Variants in AHRR observed in about 807,000 individuals in gnomAD.
The protein encoded by AHRR is ahR repressor.
AHRR carries 28 observed loss-of-function variants against 44.0 expected under a neutral mutation model. The ratio of observed to expected loss-of-function variants is 0.64; its 90% CI spans 0.47 to 0.87. AHRR has a LOEUF of 0.87. Among genes scored for constraint, AHRR ranks in the 40% least tolerant of loss-of-function variants. AHRR has a pLI of 0.00. For missense variants in AHRR, 990 were observed against 953.9 expected, an observed-to-expected ratio of 1.04 and a Z score of -0.50; for synonymous variants, 434 against 407.0, an observed-to-expected ratio of 1.07 and a Z score of -0.80.
chr5:432,259 A>G, intron 8 of AHRR: 1 of 559,540 alleles, frequency 1.8e-6, no homozygotes, highest in Non-Finnish European at 3.1e-6. Context: ...GTGACGTGAC[A>G]ATATTTTCAG....
At chr5:398,870 G>A (rs1421803507) in intron 4 of AHRR, among the ~76,000 whole-genome samples, 3 of 152,140 alleles carry the variant, frequency 2.0e-5, no homozygotes, top group African/African-American at 7.2e-5. Context: ...AGCCGCCCCC[G>A]TCTGTTCTGG....
chr5:429,086 T>G (rs1736600177), intron 8 of AHRR, among the ~76,000 whole-genome samples: 1 of 152,206 alleles, frequency 6.6e-6, no homozygotes, highest in African/African-American at 2.4e-5. Context: ...GATTCGTGTC[T>G]ATAGTTTCCT....
chr5:423,886 G>T lies in AHRR; in HGVS notation c.617G>T (p.Gly206Val). Residue 206 changes from glycine (G) to valine (V), a missense_variant, in exon 7 of 11, where the codon GGC (glycine) becomes GTC (valine). Gly to Val is a moderately radical substitution (Grantham distance 109, BLOSUM62 -3). Coordinates refer to ENST00000684583, the MANE Select transcript of AHRR (RefSeq NM_001377236.1). ...AGGCTGCTCAGGGCCCAGGAGTGGG[G>T]CACAGGCACGCCCACCGAGTACTCG... is the stretch of plus-strand genomic sequence containing the variant. Reference protein sequence around the residue: ...LGRLLRAQEWGTGTPTEYSAF... With the variant: ...LGRLLRAQEWVTGTPTEYSAF... The T allele has an allele frequency of 1.2e-6, 2 of 1,605,134 alleles. No individual in the cohort carries two copies. Among genetic ancestry groups the T allele is most frequent in the Non-Finnish European group, 1.7e-6 (2 of 1,179,852 alleles).
chr5:346,991 G>A (rs73046919), intron 2 of AHRR, among the ~76,000 whole-genome samples: 3,175 of 152,254 alleles, frequency 0.021, 103 homozygotes, highest in African/African-American at 0.073. Flanking sequence ...ACCTAGATGT[G>A]GAATTGCTCA....
chr5:393,473 G>A (rs536867938), intron 4 of AHRR, among the ~76,000 whole-genome samples: 56 of 152,328 alleles, frequency 3.7e-4, no homozygotes, highest in Admixed American at 1.4e-3. Context: ...GTGTCTTCGT[G>A]CGTGGACGGT....
chr5:335,615 C>G (rs1205934196), intron 1 of AHRR, among the ~76,000 whole-genome samples: 1 of 152,226 alleles, frequency 6.6e-6, no homozygotes, highest in Non-Finnish European at 1.5e-5. Context: ...TTTTCAGGGC[C>G]CATGGCAGAA....
intron 8 of AHRR, among the ~76,000 whole-genome samples, chr5:430,947 G>A (rs983472678): frequency 3.3e-5 from 5 of 151,976 alleles, no homozygotes; most frequent in Non-Finnish European, 4.4e-5. Flanking sequence ...TGCTACATAG[G>A]TGCACAGAAA....
chr5:423,072 T>C (rs1736207971), intron 6 of AHRR, among the ~76,000 whole-genome samples: 1 of 152,150 alleles, frequency 6.6e-6, no homozygotes, highest in East Asian at 1.9e-4. Flanking sequence ...TCGAGTGTGC[T>C]TCACTCCTGG....
intron 7 of AHRR, 119 bp from the exon 8 acceptor site, chr5:427,688 A>G (rs1312815556): frequency 1.2e-6 from 2 of 1,613,930 alleles, no homozygotes; most frequent in Non-Finnish European, 1.7e-6. Flanking sequence ...CGAGCCACTC[A>G]TGGTGAGCTG....
At chr5:384,891 A>T (rs1008476369) in intron 4 of AHRR, among the ~76,000 whole-genome samples, 1 of 152,106 alleles carries the variant, frequency 6.6e-6, no homozygotes, top group Non-Finnish European at 1.5e-5. Context: ...CATGCCTGTT[A>T]TCCCAGCACT....
At chr5:409,684 C>G (rs1448099848) in intron 4 of AHRR, among the ~76,000 whole-genome samples, 4 of 151,688 alleles carry the variant, frequency 2.6e-5, no homozygotes, top group African/African-American at 9.7e-5. Context: ...TGATTTGTAG[C>G]AGTTCTTACA....
intron 4 of AHRR, among the ~76,000 whole-genome samples, chr5:391,243 A>G (rs1363494033): frequency 6.6e-6 from 1 of 152,160 alleles, no homozygotes; most frequent in Non-Finnish European, 1.5e-5. Context: ...GGCTGCACAC[A>G]CCTGGGTGAC....
At chr5:365,200 G>A (rs1023021677) in intron 3 of AHRR, among the ~76,000 whole-genome samples, 9 of 152,014 alleles carry the variant, frequency 5.9e-5, no homozygotes, top group East Asian at 3.8e-4. Flanking sequence ...CAGAATTCAC[G>A]TATTTTCAAA....
chr5:436,573 C>T lies in AHRR; in HGVS notation c.*1739C>T, dbSNP rs1442820142. 1.3e-5 allele frequency: 2 copies of T among 152,348 alleles called. No homozygotes were observed. Among genetic ancestry groups the T allele is most frequent in the Non-Finnish European group, 2.9e-5 (2 of 68,078 alleles). The allele number at this position is 152,348 out of a possible 1,614,324, so 9.4% of individuals were successfully genotyped here. A position where few individuals can be genotyped will look rare whatever the true frequency, so the allele number is the denominator to read the frequency against. ...GAAGAGAACAGCCAACCATCTGAGCCCAGAGTCACAGATCCATCGTGGCCC... is the reference window on the plus strand; with the variant it reads ...GAAGAGAACAGCCAACCATCTGAGCTCAGAGTCACAGATCCATCGTGGCCC... On this transcript the variant is annotated 3_prime_UTR_variant, in exon 11 of 11. Coordinates refer to ENST00000684583, the MANE Select transcript of AHRR (RefSeq NM_001377236.1).
chr5:426,357 T>C (rs749888485), intron 7 of AHRR, among the ~76,000 whole-genome samples: 55 of 148,926 alleles, frequency 3.7e-4, no homozygotes, highest in South Asian at 1.1e-3. Flanking sequence ...GGAAGATGGA[T>C]GGGTGGATGG....
intron 3 of AHRR, among the ~76,000 whole-genome samples, chr5:371,184 G>GC (rs1292924815): frequency 6.6e-6 from 1 of 152,172 alleles, no homozygotes; most frequent in African/African-American, 2.4e-5. Flanking sequence ...GTTCTCTCCA[G>GC]CCCCCCATGG....
At position 376,675 on chromosome 5, in the gene AHRR, C is replaced by G. The variant is rs201010505; in HGVS notation, c.310C>G (p.Leu104Val). The G allele has an allele frequency of 5.3e-4, 852 of 1,610,710 alleles. 1 individual carries two copies. Among genetic ancestry groups the G allele is most frequent in the Non-Finnish European group, 7.0e-4 (823 of 1,179,040 alleles). Residue 104 changes from leucine to valine, a missense_variant, in exon 4 of 11, where the codon CTT becomes GTT. Physicochemically the swap from Leu to Val is conservative, Grantham distance 32 (BLOSUM62 1). Transcript: ENST00000684583. ...GAPSPGDSCP[L>V]AGSAVLEGRL... ...CCCCTCGCCCGGAGACAGCTGTCCT[C>G]TTGCAGGGTCTGCCGTGCTGGAGGG...
chr5:424,184 GCA>G lies in AHRR; in HGVS notation c.708+209_708+210del, dbSNP rs869229563. On this transcript the variant is annotated intron_variant, in intron 7 of 10. Transcript: ENST00000684583. ...TCTCTGGTGGGTGGGAGAGGGCTGG[GCA>G]CTGAGCTCTGTGCACCCTGTGATGG... Among the ~76,000 whole-genome samples the G allele has an allele frequency of 7.8e-5, 11 of 140,388 alleles. 1 individual carries two copies. The highest frequency in any genetic ancestry group is 1.5e-4 in the Admixed American group (2 of 13,264). The allele number at this position is 140,388 out of a possible 152,430, so 92.1% of individuals were successfully genotyped here.
chr5:433,972 G>C lies in AHRR; in HGVS notation c.1232G>C (p.Gly411Ala), dbSNP rs748227240. 2 of 1,566,318 alleles carry C rather than the reference G, an allele frequency of 1.3e-6. No homozygotes were observed. Among genetic ancestry groups the C allele is most frequent in the African/African-American group, 1.4e-5 (1 of 73,964 alleles). The change falls in exon 11 of 11, where the codon GGT becomes GCT. Residue 411 changes from glycine to alanine, a missense_variant. By Grantham distance (60) the Gly-to-Ala change is moderately conservative. Coordinates refer to ENST00000684583, the MANE Select transcript of AHRR (RefSeq NM_001377236.1). ...ACAGCGGGAAAGCACAGTGAGGATG[G>C]TGCCAGGCCGAGGCTGCAGCCCAGC... ...PWTAGKHSED[G>A]ARPRLQPSKN... is the part of the protein sequence containing the mutation.
Sources: allele counts gnomAD v4.1 joint callset (sites outside exome capture counted in the v4.1 genomes callset), GRCh38; gene constraint gnomAD v4.1.1; transcripts MANE v1.5; gene names NCBI Gene and HGNC (gene_info 2026-07-23, HGNC 2026-07-21).